WNT2B: variants seen among roughly 807,000 people sequenced by gnomAD.
WNT2B encodes the protein Wnt family member 2B, also known as protein Wnt-2b.
In WNT2B, 19 loss-of-function variants were observed where a neutral mutation model predicts 40.5. That is an observed-to-expected ratio of 0.47 (90% confidence interval 0.33 to 0.69). The LOEUF is 0.69. Ranked by LOEUF, WNT2B falls within the 30% of genes least tolerant of loss-of-function variation. WNT2B has a pLI of 0.02. For synonymous variants in WNT2B, 220 were observed against 211.9 expected (o/e 1.04, Z -0.33); for missense variants, 467 against 556.4 (o/e 0.84, Z 1.62).
chr1:112,518,153 G>C (rs1335386502), intron 4 of WNT2B: 1 of 152,256 alleles, frequency 6.6e-6, no homozygotes, highest in African/African-American at 2.4e-5. Flanking sequence ...GTCTGTTCGA[G>C]GTATTTGTGG....
rs1179804884 is a variant in WNT2B, at chr1:112,517,101, C to T, written c.682-20C>T. ...TCCTGACCAGCTACTTCTCCCTTAACTGCCTTCCCCCTCCCCCAGGCTGTG... is the reference window on the plus strand; with the variant it reads ...TCCTGACCAGCTACTTCTCCCTTAATTGCCTTCCCCCTCCCCCAGGCTGTG... On this transcript the variant is annotated intron_variant, in intron 3 of 4. Transcript: ENST00000369684. 1 of 1,603,152 alleles carries T rather than the reference C, an allele frequency of 6.2e-7. No homozygotes were observed. Among genetic ancestry groups the T allele is most frequent in the East Asian group, 2.2e-5 (1 of 44,620 alleles).
chr1:112,497,661 A>G (rs1169224745), intron 1 of WNT2B, among the ~76,000 whole-genome samples: 1 of 152,122 alleles, frequency 6.6e-6, no homozygotes, highest in East Asian at 1.9e-4. Flanking sequence ...TTCTATCCTT[A>G]TTAATCTCCT....
intron 4 of WNT2B, 46 bp downstream of exon 4, chr1:112,517,431 G>C: frequency 1.1e-5 from 17 of 1,564,150 alleles, no homozygotes; most frequent in Non-Finnish European, 1.5e-5. Flanking sequence ...AGTTCTTAGT[G>C]CAGGCACCCC....
chr1:112,510,640 G>C (rs1466623102), intron 1 of WNT2B, among the ~76,000 whole-genome samples: 2 of 152,108 alleles, frequency 1.3e-5, no homozygotes, highest in African/African-American at 2.4e-5. Context: ...TCAAGATGCC[G>C]TCTCTCCTTA....
At chr1:112,470,920 C>T (rs1650862357) in intron 1 of WNT2B, among the ~76,000 whole-genome samples, 1 of 152,210 alleles carries the variant, frequency 6.6e-6, no homozygotes, top group Non-Finnish European at 1.5e-5. Context: ...CTCTGGCTTA[C>T]TGTGACTGTG....
chr1:112,490,764 C>G (rs1382274404), intron 1 of WNT2B, among the ~76,000 whole-genome samples: 1 of 152,150 alleles, frequency 6.6e-6, no homozygotes, highest in African/African-American at 2.4e-5. Context: ...GCTGGGATTA[C>G]AGGCGTGAGC....
rs746977358 is a variant in WNT2B, at chr1:112,527,477, T to A, written c.*6968T>A. On this transcript the variant is annotated 3_prime_UTR_variant, in exon 5 of 5. Transcript: ENST00000369684. ...CCTCCTGCATAGCAGCACAGCCCCA[T>A]GAGGCCACACACCAGATGGAGGGGA... is the stretch of plus-strand genomic sequence containing the variant. 3 of 152,698 alleles carry A rather than the reference T, an allele frequency of 2.0e-5. No homozygotes were observed. Among genetic ancestry groups the A allele is most frequent in the Admixed American group, 6.5e-5 (1 of 15,282 alleles). The allele number at this position is 152,698 out of a possible 1,614,324, so 9.5% of individuals were successfully genotyped here.
At chr1:112,499,938 A>G (rs1651897302) in intron 1 of WNT2B, among the ~76,000 whole-genome samples, 2 of 152,214 alleles carry the variant, frequency 1.3e-5, no homozygotes, top group Admixed American at 6.5e-5. Context: ...TGTCTTGATC[A>G]TTAATTCCAC....
Position 112,486,267 on chromosome 1 carries a change from A to AC in WNT2B, c.-95+18680dup, listed in dbSNP as rs543485028. The stretch of plus-strand genomic sequence containing the variant: ...AGGCCAGCCTGGGCAACATAGCGAG[A>AC]CCCCATCTCTACAAAAAAATTTTTA... On this transcript the variant is annotated intron_variant, in intron 1 of 4. Transcript: ENST00000256640. Among the ~76,000 whole-genome samples, 11 of 152,052 alleles carry AC rather than the reference A, an allele frequency of 7.2e-5. No individual in the cohort carries two copies. The South Asian group carries it at 2.3e-3, about 32-fold the overall frequency.
chr1:112,523,262 A>G lies in WNT2B; in HGVS notation c.*2753A>G, dbSNP rs1172323527. 5 of 152,236 alleles carry G rather than the reference A, an allele frequency of 3.3e-5. No homozygotes were observed. Among genetic ancestry groups the G allele is most frequent in the Admixed American group, 6.5e-5 (1 of 15,290 alleles). The allele number at this position is 152,236 out of a possible 1,614,324, so 9.4% of individuals were successfully genotyped here. Reference sequence around the variant, plus strand: ...TTCCTTGGGCTCCAAATTCTAGCTCATAAAGATGCAAGTTTTGCAATTTCC... The same window carrying G: ...TTCCTTGGGCTCCAAATTCTAGCTCGTAAAGATGCAAGTTTTGCAATTTCC... On this transcript the variant is annotated 3_prime_UTR_variant, in exon 5 of 5. Transcript: ENST00000369684.
At chr1:112,510,413 G>A (rs559214459) in intron 1 of WNT2B, among the ~76,000 whole-genome samples, 1 of 151,946 alleles carries the variant, frequency 6.6e-6, no homozygotes, top group Non-Finnish European at 1.5e-5. Flanking sequence ...AATCAAACTG[G>A]CCTCTTGGAC....
intron 1 of WNT2B, among the ~76,000 whole-genome samples, chr1:112,498,642 T>G (rs544416814): frequency 6.1e-4 from 93 of 152,280 alleles, no homozygotes; most frequent in Non-Finnish European, 1.1e-3. Flanking sequence ...TCTTTGCCAC[T>G]TTGTAACAAA....
At position 112,469,438 on chromosome 1, in the gene WNT2B, A is replaced by T. The variant is rs528388247; in HGVS notation, c.-95+1847A>T. On this transcript the variant is annotated intron_variant, in intron 1 of 4. Transcript: ENST00000256640. ...TGCTGCAAGCAGTATGGTCATTTTA[A>T]TAATACTAATTATACTAGTCCATGA... Among the ~76,000 whole-genome samples the T allele has an allele frequency of 6.0e-4, 92 of 152,220 alleles. 1 individual carries two copies. The highest frequency in any genetic ancestry group is 1.1e-3 in the Non-Finnish European group (78 of 68,038).
At chr1:112,471,240 A>T (rs972230814) in intron 1 of WNT2B, among the ~76,000 whole-genome samples, 1 of 152,172 alleles carries the variant, frequency 6.6e-6, no homozygotes, top group African/African-American at 2.4e-5. Context: ...AGATGCCCTG[A>T]CAGGGCCTCC....
chr1:112,477,927 T>C (rs567612631), intron 1 of WNT2B, among the ~76,000 whole-genome samples: 2 of 152,282 alleles, frequency 1.3e-5, no homozygotes, highest in Non-Finnish European at 2.9e-5. Context: ...ATATATGTAT[T>C]TGGGAGTTCC....
At chr1:112,500,951 A>G (rs1453817605) in intron 1 of WNT2B, among the ~76,000 whole-genome samples, 1 of 152,202 alleles carries the variant, frequency 6.6e-6, no homozygotes, top group Non-Finnish European at 1.5e-5. Context: ...ATTATTAATT[A>G]AAGTCCATAC....
chr1:112,502,893 G>C (rs1652002639), intron 1 of WNT2B, among the ~76,000 whole-genome samples: 1 of 152,148 alleles, frequency 6.6e-6, no homozygotes, highest in Non-Finnish European at 1.5e-5. Flanking sequence ...CACAGTGAGG[G>C]CTGCTGATTT....
intron 1 of WNT2B, among the ~76,000 whole-genome samples, chr1:112,497,421 G>A (rs1651813041): frequency 6.6e-6 from 1 of 152,218 alleles, no homozygotes; most frequent in Admixed American, 6.5e-5. Flanking sequence ...TATGGCTTGT[G>A]CCTTCTGGGG....
At chr1:112,508,606 T>C (rs1007546653), upstream of WNT2B, 5 of 578,980 alleles carry the variant, frequency 8.6e-6, no homozygotes, top group African/African-American at 1.0e-4. This position sits in a 1 kb window ranked among gnomAD's most constrained non-coding sequence, Gnocchi z 4.2. Context: ...TCACTGTAGG[T>C]TGGGGACAGG....
Sources: allele counts gnomAD v4.1 joint callset (sites outside exome capture counted in the v4.1 genomes callset), GRCh38; gene constraint gnomAD v4.1.1; non-coding constraint Gnocchi (gnomAD v3.1); transcripts MANE v1.5; gene names NCBI Gene and HGNC (gene_info 2026-07-23, HGNC 2026-07-21).